USP43: variants seen among roughly 807,000 people sequenced by gnomAD.
USP43 encodes the protein ubiquitin carboxyl-terminal hydrolase 43.
A neutral mutation model predicts 90.7 loss-of-function variants in USP43; 33 were observed. That is an observed-to-expected ratio of 0.36 (90% CI 0.28 to 0.49). The LOEUF (loss-of-function observed/expected upper bound fraction) is 0.49, where lower values mean the gene tolerates loss of function less well. Among genes scored for constraint, USP43 ranks in the 20% least tolerant of loss-of-function variants. USP43 has a pLI of 0.98. For synonymous variants in USP43, 598 were observed against 615.8 expected (o/e 0.97, Z 0.43); for missense variants, 1,274 against 1,476.4 (o/e 0.86, Z 2.25).
chr17:9,680,633 G>C (rs111365932), intron 6 of USP43, among the ~76,000 whole-genome samples: 146 of 152,248 alleles, frequency 9.6e-4, no homozygotes, highest in African/African-American at 3.3e-3. Flanking sequence ...CAGAGTTTAT[G>C]ATTTGGGTGG....
At chr17:9,673,752 G>A (rs1174103351) in intron 3 of USP43, among the ~76,000 whole-genome samples, 1 of 152,178 alleles carries the variant, frequency 6.6e-6, no homozygotes. Context: ...TAACCTCTGT[G>A]TGCTTCAGAT....
At chr17:9,695,624 C>G (rs1370898996) in intron 9 of USP43, among the ~76,000 whole-genome samples, 1 of 152,158 alleles carries the variant, frequency 6.6e-6, no homozygotes, top group African/African-American at 2.4e-5. Context: ...TGAGCCACCA[C>G]TTAGGGCCAA....
At chr17:9,675,788 G>C (rs1052350961) in intron 4 of USP43, among the ~76,000 whole-genome samples, 6 of 152,068 alleles carry the variant, frequency 3.9e-5, no homozygotes, top group Non-Finnish European at 7.4e-5. Flanking sequence ...ATAACTACTG[G>C]CTTATGCTAT....
At position 9,678,587 on chromosome 17, in the gene USP43, G is replaced by A. The variant is rs539428844; in HGVS notation, c.970-1644G>A. Among the ~76,000 whole-genome samples, 5 of 152,074 alleles carry A rather than the reference G, an allele frequency of 3.3e-5. No individual in the cohort carries two copies. In the East Asian group the frequency reaches 5.8e-4, roughly 18 times the overall value. On this transcript the variant is annotated intron_variant, in intron 5 of 14. Transcript: ENST00000285199. ...GATCTCTTGACCTTGTGATCTGCCC[G>A]CCTCAACCTCCCAAAGTGTTGGGAT... is the stretch of plus-strand genomic sequence containing the variant.
At chr17:9,722,454 C>T (rs978305182) in intron 14 of USP43, among the ~76,000 whole-genome samples, 3 of 152,126 alleles carry the variant, frequency 2.0e-5, no homozygotes, top group Admixed American at 6.6e-5. Flanking sequence ...GTAACAGCTG[C>T]GAAACTTGAT....
At chr17:9,687,909 C>G (rs2151979881) in intron 8 of USP43, among the ~76,000 whole-genome samples, 1 of 152,328 alleles carries the variant, frequency 6.6e-6, no homozygotes, top group East Asian at 1.9e-4. Context: ...GTAGGTCAGT[C>G]TATCCGGTGA....
At chr17:9,665,542 C>T (rs1017639542) in intron 2 of USP43, among the ~76,000 whole-genome samples, 5 of 152,230 alleles carry the variant, frequency 3.3e-5, no homozygotes, top group East Asian at 1.9e-4. Context: ...GGGAACCGCC[C>T]CCATGATCCA....
Position 9,728,957 on chromosome 17 carries a change from T to G in USP43, c.3339T>G (p.Gly1113=), listed in dbSNP as rs1402313165. The G allele has an allele frequency of 2.0e-5, 32 of 1,591,516 alleles. No individual in the cohort carries two copies. Among genetic ancestry groups the G allele is most frequent in the African/African-American group, 2.7e-5 (2 of 74,058 alleles). ...TCAAATATCACACTCTTTCTTTAGG[T>G]CGAAAGAAAACCTTACCGGAGTCCA... ...QRVKYHTLSL[G]RKKTLPESSF Residue 1113 remains glycine (G), a synonymous_variant, in exon 15 of 15, where the codon GGT becomes GGG. Coordinates refer to ENST00000285199, the MANE Select transcript of USP43 (RefSeq NM_153210.5). This position sits in a 1 kb window ranked among gnomAD's most constrained non-coding sequence, Gnocchi z 6.2.
At chr17:9,713,544 C>A (rs1475722297) in intron 14 of USP43, among the ~76,000 whole-genome samples, 1 of 152,140 alleles carries the variant, frequency 6.6e-6, no homozygotes, top group Admixed American at 6.6e-5. Flanking sequence ...AGAGAGTCTA[C>A]TCTGGCTACT....
chr17:9,698,378 G>A (rs1005195230), intron 9 of USP43, among the ~76,000 whole-genome samples: 3 of 152,072 alleles, frequency 2.0e-5, no homozygotes, highest in African/African-American at 7.2e-5. Flanking sequence ...TGCTTTCGAG[G>A]TCTCAGTCAT....
chr17:9,707,737 G>A (rs890604374), intron 12 of USP43, among the ~76,000 whole-genome samples: 3 of 151,232 alleles, frequency 2.0e-5, no homozygotes, highest in Middle Eastern at 3.4e-3. Context: ...CCGATGGGCT[G>A]ATGACTGGCA....
intron 2 of USP43, among the ~76,000 whole-genome samples, chr17:9,660,539 C>T (rs980355028): frequency 4.5e-4 from 68 of 152,198 alleles, no homozygotes; most frequent in African/African-American, 1.6e-3. Context: ...ATATACTCCA[C>T]ACCACCACTA....
At chr17:9,722,343 G>C (rs763749119) in intron 14 of USP43, among the ~76,000 whole-genome samples, 4 of 152,036 alleles carry the variant, frequency 2.6e-5, no homozygotes, top group African/African-American at 9.7e-5. Context: ...AGTTTTAAGT[G>C]GTTTCTGGTA....
intron 2 of USP43, among the ~76,000 whole-genome samples, chr17:9,665,641 T>A (rs927091581): frequency 2.0e-5 from 3 of 152,142 alleles, no homozygotes; most frequent in Non-Finnish European, 4.4e-5. Context: ...ACAGCCAAAT[T>A]ATATCATTAC....
intron 8 of USP43, among the ~76,000 whole-genome samples, chr17:9,691,008 T>C (rs1272781743): frequency 6.6e-6 from 1 of 152,246 alleles, no homozygotes; most frequent in Non-Finnish European, 1.5e-5. Flanking sequence ...CTTATATAAC[T>C]AGAATAATAT....
At chr17:9,649,671 A>G (rs1320024628) in intron 1 of USP43, among the ~76,000 whole-genome samples, 1 of 140,008 alleles carries the variant, frequency 7.1e-6, no homozygotes, top group Non-Finnish European at 1.5e-5. Context: ...TAAATGTTGC[A>G]CATTGTAAAA....
At chr17:9,672,989 C>T (rs1161491338) in intron 3 of USP43, among the ~76,000 whole-genome samples, 1 of 152,198 alleles carries the variant, frequency 6.6e-6, no homozygotes, top group African/African-American at 2.4e-5. Context: ...TGTTCTGATA[C>T]CAACTTTGGC....
intron 14 of USP43, among the ~76,000 whole-genome samples, chr17:9,713,933 C>T (rs113785788): frequency 1.2e-4 from 19 of 152,216 alleles, no homozygotes; most frequent in African/African-American, 1.7e-4. Flanking sequence ...CACCAGGGAC[C>T]GGTTTCATGG....
intron 14 of USP43, among the ~76,000 whole-genome samples, chr17:9,717,595 C>T (rs566230101): frequency 2.6e-5 from 4 of 151,958 alleles, no homozygotes; most frequent in East Asian, 1.9e-4. Flanking sequence ...GGGTTTTCTC[C>T]GGGTGCTCCA....
Sources: gnomAD v4.1 joint callset for allele counts (sites outside exome capture counted in the v4.1 genomes callset) on GRCh38, gnomAD v4.1.1 for gene constraint, Gnocchi (gnomAD v3.1) non-coding constraint, MANE v1.5 for transcripts, NCBI Gene and HGNC (gene_info 2026-07-23, HGNC 2026-07-21) for gene names.